Variants in SLC1A3 observed in about 807,000 individuals in gnomAD.
SLC1A3 encodes the protein excitatory amino acid transporter 1.
In SLC1A3, 21 loss-of-function variants were observed where a neutral mutation model predicts 48.1. The observed-to-expected ratio is 0.44, with a 90% CI of 0.31 to 0.63. The LOEUF is 0.63. Ranked by LOEUF, SLC1A3 falls within the 20% of genes least tolerant of loss-of-function variation. The pLI is 0.08. For missense variants in SLC1A3, 546 were observed against 689.0 expected (o/e 0.79, Z 2.32); for synonymous variants, 239 against 251.4 (o/e 0.95, Z 0.47).
chr5:36,670,475 GAATAATAGCTTA>G (rs1050347287), intron 3 of SLC1A3, among the ~76,000 whole-genome samples: 62 of 152,252 alleles, frequency 4.1e-4, no homozygotes, highest in African/African-American at 1.4e-3. Context: ...CAGGTGATCA[GAATAATAGCTTA>G]AATTGTACAT....
rs371580165 is a variant in SLC1A3, at chr5:36,661,605, A to T, written c.320-9424A>T. ...GCAGAGTGTGGGTGGGCACAGGTGC[A>T]TGTGGCTCCTTTGGCCATAAGAATC... On this transcript the variant is annotated intron_variant, in intron 3 of 9. Coordinates refer to ENST00000265113, the MANE Select transcript of SLC1A3 (RefSeq NM_004172.5). Among the ~76,000 whole-genome samples the T allele has an allele frequency of 2.6e-5, 4 of 152,332 alleles. No homozygotes were observed. In the East Asian group the frequency reaches 5.8e-4, roughly 22 times the overall value.
chr5:36,648,129 G>T (rs1478066269), intron 3 of SLC1A3, among the ~76,000 whole-genome samples: 1 of 152,100 alleles, frequency 6.6e-6, no homozygotes, highest in African/African-American at 2.4e-5. Context: ...AATATGCGAG[G>T]AATAGTGTTT....
intron 2 of SLC1A3, among the ~76,000 whole-genome samples, chr5:36,626,199 T>C (rs1260449605): frequency 2.6e-5 from 4 of 152,122 alleles, no homozygotes; most frequent in Non-Finnish European, 5.9e-5. Flanking sequence ...GTTGTATCAA[T>C]GGGAGTAGAG....
chr5:36,626,170 T>C (rs1455497505), intron 2 of SLC1A3, among the ~76,000 whole-genome samples: 1 of 152,168 alleles, frequency 6.6e-6, no homozygotes, highest in South Asian at 2.1e-4. Context: ...AGGAAGAGGC[T>C]GTATACACAA....
chr5:36,615,704 A>G (rs1228030338), intron 2 of SLC1A3, among the ~76,000 whole-genome samples: 1 of 152,260 alleles, frequency 6.6e-6, no homozygotes, highest in African/African-American at 2.4e-5. Flanking sequence ...TAACCTGTTT[A>G]GAGGAGGCAA....
At chr5:36,627,044 C>T (rs1238930093) in intron 2 of SLC1A3, among the ~76,000 whole-genome samples, 1 of 152,016 alleles carries the variant, frequency 6.6e-6, no homozygotes. Flanking sequence ...AACACCTGTA[C>T]ATGTTTAATA....
intron 3 of SLC1A3, among the ~76,000 whole-genome samples, chr5:36,630,821 C>T (rs1471088112): frequency 1.3e-5 from 2 of 152,146 alleles, no homozygotes; most frequent in Non-Finnish European, 2.9e-5. Context: ...ATTGCATGTA[C>T]ATATGCTTTC....
At chr5:36,617,896 G>A (rs1739511435) in intron 2 of SLC1A3, among the ~76,000 whole-genome samples, 1 of 152,186 alleles carries the variant, frequency 6.6e-6, no homozygotes, top group Non-Finnish European at 1.5e-5. Flanking sequence ...ACCTAGAAGT[G>A]AAATTGCTGG....
chr5:36,663,151 T>C (rs1243197711), intron 3 of SLC1A3, among the ~76,000 whole-genome samples: 2 of 152,194 alleles, frequency 1.3e-5, no homozygotes, highest in Non-Finnish European at 2.9e-5. Flanking sequence ...TTTTTTCTAC[T>C]TAACAATCTT....
At chr5:36,641,085 T>C (rs1740600723) in intron 3 of SLC1A3, among the ~76,000 whole-genome samples, 3 of 152,168 alleles carry the variant, frequency 2.0e-5, no homozygotes, top group Non-Finnish European at 4.4e-5. Context: ...TATAAGCTTC[T>C]GTACCAGTGC....
intron 2 of SLC1A3, among the ~76,000 whole-genome samples, chr5:36,625,196 G>C (rs957841275): frequency 2.8e-4 from 43 of 152,344 alleles, no homozygotes; most frequent in African/African-American, 1.0e-3. Context: ...AGTGGCTCAC[G>C]CCTGTAATCC....
At position 36,686,342 on chromosome 5, in the gene SLC1A3, G is replaced by A. The variant is rs1742647688; in HGVS notation, c.*73G>A. The A allele has an allele frequency of 6.1e-6, 7 of 1,139,328 alleles. No homozygotes were observed. In the South Asian group the frequency reaches 6.2e-5, roughly 10 times the overall value. The allele number at this position is 1,139,328 out of a possible 1,614,324, so 70.6% of individuals were successfully genotyped here. A position where few individuals can be genotyped will look rare whatever the true frequency, so the allele number is the denominator to read the frequency against. On this transcript the variant is annotated 3_prime_UTR_variant, in exon 10 of 10. Transcript: ENST00000265113. ...TATAAAATCTTTCCATCTCATTACA[G>A]CTCATTCGCTCCAGCAAGCCCGTCA...
chr5:36,674,653 T>C (rs1282137943), intron 5 of SLC1A3, among the ~76,000 whole-genome samples: 1 of 152,206 alleles, frequency 6.6e-6, no homozygotes, highest in African/African-American at 2.4e-5. Context: ...AATATCATTG[T>C]CTTCATTTCA....
chr5:36,674,009 A>G (rs374100855), intron 4 of SLC1A3, 40 bp from the exon 5 acceptor site: 62 of 1,548,200 alleles, frequency 4.0e-5, no homozygotes, highest in Non-Finnish European at 5.2e-5. Context: ...CAAACTTATT[A>G]CTTGGAAAAT....
chr5:36,622,738 G>T (rs1034140317), intron 2 of SLC1A3, among the ~76,000 whole-genome samples: 2 of 152,108 alleles, frequency 1.3e-5, no homozygotes, highest in African/African-American at 4.8e-5. Context: ...TTGGCCGGGC[G>T]CATTGGCTCA....
At position 36,671,993 on chromosome 5, in the gene SLC1A3, GAA is replaced by G. The variant is rs1366342920; in HGVS notation, c.524+761_524+762del. On this transcript the variant is annotated intron_variant, in intron 4 of 9. Coordinates refer to ENST00000265113, the MANE Select transcript of SLC1A3 (RefSeq NM_004172.5). ...AGGAAGCATACCACATACTCTAAAG[GAA>G]CCTTGAAGAAGGTTTGCCAAGGTGC... is the stretch of plus-strand genomic sequence containing the variant. Among the ~76,000 whole-genome samples, 12 of 152,262 alleles carry G rather than the reference GAA, an allele frequency of 7.9e-5. 1 individual carries two copies. In the East Asian group the frequency reaches 2.3e-3, roughly 29 times the overall value.
rs114092271 is a variant in SLC1A3, at chr5:36,613,861, C to T, written c.181+5257C>T. 4.8e-3 allele frequency among the ~76,000 whole-genome samples: 727 copies of T among 152,210 alleles called. 9 individuals carry two copies. The highest frequency in any genetic ancestry group is 0.016 in the African/African-American group (680 of 41,502). Reference sequence around the variant, plus strand: ...GGTTATAAGAACTAGGGTCTGATTTCTCTGTGCTTTATCTTCTCCCCTGGG... The same window carrying T: ...GGTTATAAGAACTAGGGTCTGATTTTTCTGTGCTTTATCTTCTCCCCTGGG... On this transcript the variant is annotated intron_variant, in intron 2 of 9. Transcript: ENST00000265113.
intron 3 of SLC1A3, among the ~76,000 whole-genome samples, chr5:36,646,993 G>T (rs1258305369): frequency 6.6e-6 from 1 of 152,094 alleles, no homozygotes; most frequent in Admixed American, 6.5e-5. Flanking sequence ...GTGCTTCTGG[G>T]GTATAAAGGT....
intron 1 of SLC1A3, 168 bp from the exon 2 acceptor site, chr5:36,608,161 G>A (rs1246396097): frequency 2.3e-6 from 1 of 443,234 alleles, no homozygotes; most frequent in Admixed American, 3.8e-5. Flanking sequence ...TCTCACACGT[G>A]GTCCACTAAA....
Sources: allele counts gnomAD v4.1 joint callset (sites outside exome capture counted in the v4.1 genomes callset), GRCh38; gene constraint gnomAD v4.1.1; transcripts MANE v1.5; gene names NCBI Gene and HGNC (gene_info 2026-07-23, HGNC 2026-07-21).